PPP2R1A: variants seen among roughly 807,000 people sequenced by gnomAD.
The protein encoded by PPP2R1A is serine/threonine-protein phosphatase 2A 65 kDa regulatory subunit A alpha isoform.
A neutral mutation model predicts 67.1 loss-of-function variants in PPP2R1A; 15 were observed. The ratio of observed to expected loss-of-function variants is 0.22; its 90% CI spans 0.15 to 0.34. The LOEUF (loss-of-function observed/expected upper bound fraction) is 0.34, where lower values mean the gene tolerates loss of function less well. PPP2R1A is among the 10% of genes least tolerant of loss of function. The probability of loss-of-function intolerance (pLI) is 1.00; values close to 1 mark genes in which losing one functional copy is unlikely to be tolerated. For missense variants in PPP2R1A, 369 were observed against 775.0 expected (o/e 0.48, Z 6.22); for synonymous variants, 337 against 325.0 (o/e 1.04, Z -0.40).
intron 3 of PPP2R1A, among the ~76,000 whole-genome samples, chr19:52,210,214 A>T (rs2089651232): frequency 6.6e-6 from 1 of 152,212 alleles, no homozygotes. Flanking sequence ...TCACTAATTA[A>T]GAGTTCCTGT....
chr19:52,203,598 C>A (rs999258501), intron 2 of PPP2R1A, among the ~76,000 whole-genome samples: 2 of 152,190 alleles, frequency 1.3e-5, no homozygotes, highest in Non-Finnish European at 2.9e-5. Context: ...CACACCACAG[C>A]AATCATAACA....
chr19:52,200,567 C>T (rs1051904130), intron 1 of PPP2R1A, among the ~76,000 whole-genome samples: 1 of 152,154 alleles, frequency 6.6e-6, no homozygotes, highest in Non-Finnish European at 1.5e-5. Flanking sequence ...CTAGGACTGC[C>T]ACAGCAAATC....
At position 52,226,766 on chromosome 19, in the gene PPP2R1A, C is replaced by T. The variant is rs1260659331; in HGVS notation, c.*785C>T. ...GTAGCTTGTTAAGTCTTTATGAGCT[C>T]AGTTTTGTATTGTGTAAAATGAGAG... On this transcript the variant is annotated 3_prime_UTR_variant, in exon 15 of 15. Coordinates refer to ENST00000322088, the MANE Select transcript of PPP2R1A (RefSeq NM_014225.6). 3 of 155,250 alleles carry T rather than the reference C, an allele frequency of 1.9e-5. No individual in the cohort carries two copies. In the Admixed American group the frequency reaches 2.0e-4, roughly 10 times the overall value. The allele number at this position is 155,250 out of a possible 1,614,324, so 9.6% of individuals were successfully genotyped here.
chr19:52,193,004 A>G (rs1600155826), intron 1 of PPP2R1A, among the ~76,000 whole-genome samples: 1 of 152,168 alleles, frequency 6.6e-6, no homozygotes, highest in South Asian at 2.1e-4. Flanking sequence ...AAAATTGCTG[A>G]CCTCTGACTT....
intron 12 of PPP2R1A, among the ~76,000 whole-genome samples, chr19:52,221,657 G>A (rs1471864641): frequency 6.6e-6 from 1 of 152,148 alleles, no homozygotes; most frequent in Non-Finnish European, 1.5e-5. Flanking sequence ...ACAGGGCTTA[G>A]AACAGTTATG....
At chr19:52,220,384 C>T (rs986676570) in intron 11 of PPP2R1A, 135 bp downstream of exon 11, 28 of 928,372 alleles carry the variant, frequency 3.0e-5, no homozygotes, top group Middle Eastern at 3.2e-4. Context: ...TGGACCAGCT[C>T]GCATGCTTGT....
chr19:52,206,304 G>A (rs10423725), intron 3 of PPP2R1A, among the ~76,000 whole-genome samples: 2,135 of 152,208 alleles, frequency 0.014, 50 homozygotes, highest in African/African-American at 0.049. Flanking sequence ...GCCTTACCTG[G>A]GATTCTACAT....
In PPP2R1A at chr19:52,210,964, C is replaced by T. The variant is rs115947903; in HGVS notation, c.271-296C>T. ...GGCTAAGAACTTTCTCCTCAGAAAG[C>T]AACGTGTGTAATTTTAAGGTTTATG... On this transcript the variant is annotated intron_variant, in intron 3 of 14. Transcript: ENST00000322088. Among the ~76,000 whole-genome samples, 1,001 of 152,282 alleles carry T rather than the reference C, an allele frequency of 6.6e-3. 11 individuals carry two copies. Among genetic ancestry groups the T allele is most frequent in the African/African-American group, 0.022 (924 of 41,540 alleles).
At position 52,213,200 on chromosome 19, in the gene PPP2R1A, C is replaced by A. The variant is rs2089690104; in HGVS notation, c.807+90C>A. The A allele has an allele frequency of 7.0e-7, 1 of 1,419,498 alleles. No homozygotes were observed. The highest frequency in any genetic ancestry group is 9.2e-7 in the Non-Finnish European group (1 of 1,083,112). 87.9% of individuals were successfully genotyped at this position (1,419,498 alleles called of 1,614,324 possible). On this transcript the variant is annotated intron_variant, in intron 6 of 14. Transcript: ENST00000322088. The surrounding 1 kb of genome is among the most constrained non-coding windows in gnomAD (Gnocchi z 4.2). ...TATAGGAGCTGAGGTTTCCATTAGG[C>A]CGATGGAACCATTGGGCGTTTGAGC...
intron 2 of PPP2R1A, among the ~76,000 whole-genome samples, chr19:52,203,110 T>G (rs1020777526): frequency 5.9e-5 from 9 of 152,230 alleles, no homozygotes; most frequent in Non-Finnish European, 1.2e-4. Flanking sequence ...AACATCTTAC[T>G]TGGACCTAGT....
intron 1 of PPP2R1A, among the ~76,000 whole-genome samples, chr19:52,199,193 G>A (rs2089524039): frequency 6.6e-6 from 1 of 151,230 alleles, no homozygotes; most frequent in South Asian, 2.1e-4. Flanking sequence ...TTGAGACAGA[G>A]TCTCACTCTG....
At chr19:52,210,753 T>C (rs2089660274) in intron 3 of PPP2R1A, among the ~76,000 whole-genome samples, 1 of 152,104 alleles carries the variant, frequency 6.6e-6, no homozygotes, top group African/African-American at 2.4e-5. Context: ...CAGCCTCCCA[T>C]AGTGCTGGGA....
intron 3 of PPP2R1A, 146 bp downstream of exon 3, chr19:52,206,209 A>G (rs758798833): frequency 1.5e-6 from 1 of 663,536 alleles, no homozygotes; most frequent in Non-Finnish European, 2.6e-6. Flanking sequence ...TAATCCAACA[A>G]GTCAGGAGTG....
chr19:52,215,463 A>G (rs556057563), intron 6 of PPP2R1A, among the ~76,000 whole-genome samples: 1 of 152,366 alleles, frequency 6.6e-6, no homozygotes, highest in Admixed American at 6.5e-5. Context: ...TATCATTTGA[A>G]TGTTTTTGAA....
chr19:52,220,121 G>A lies in PPP2R1A; in HGVS notation c.1303-68G>A, dbSNP rs1334570259. 2.6e-6 allele frequency: 4 copies of A among 1,533,494 alleles called. No individual in the cohort carries two copies. In the East Asian group the frequency reaches 6.7e-5, roughly 26 times the overall value. The allele number at this position is 1,533,494 out of a possible 1,614,324, so 95.0% of individuals were successfully genotyped here. A position where few individuals can be genotyped will look rare whatever the true frequency, so the allele number is the denominator to read the frequency against. On this transcript the variant is annotated intron_variant, in intron 10 of 14. Coordinates refer to ENST00000322088, the MANE Select transcript of PPP2R1A (RefSeq NM_014225.6). ...AGGGTGGGTGTAGGTTCCATGGGAT[G>A]TGGCTAGCAGCTCCCCCTGTTTGCT...
rs1029209344 is a variant in PPP2R1A, at chr19:52,212,694, G to A, written c.512G>A (p.Arg171Gln). ...CCGTCCCCGACTCCCAGGTACTTCC[G>A]GAACCTGTGCTCAGATGACACCCCC... ...AVKAELRQYF[R>Q]NLCSDDTPMV... The change falls in exon 5 of 15, where the codon CGG becomes CAG. Residue 171 changes from arginine (R) to glutamine (Q), a missense_variant. Transcript: ENST00000322088. The surrounding 1 kb of genome is among the most constrained non-coding windows in gnomAD (Gnocchi z 4.1). 3.1e-6 allele frequency: 5 copies of A among 1,613,410 alleles called. No homozygotes were observed. The highest frequency in any genetic ancestry group is 1.1e-5 in the South Asian group (1 of 91,078).
chr19:52,224,883 A>G (rs1979158848), intron 13 of PPP2R1A, among the ~76,000 whole-genome samples: 1 of 151,852 alleles, frequency 6.6e-6, no homozygotes, highest in African/African-American at 2.4e-5. Flanking sequence ...TACTTTGAGT[A>G]GAGATGGGGG....
chr19:52,194,162 T>G (rs924326908), intron 1 of PPP2R1A, among the ~76,000 whole-genome samples: 2 of 150,820 alleles, frequency 1.3e-5, no homozygotes, highest in Non-Finnish European at 2.9e-5. Flanking sequence ...TGGGGCTGCT[T>G]TGTTAGATAG....
At position 52,219,283 on chromosome 19, in the gene PPP2R1A, T is replaced by C. The variant is rs990429063; in HGVS notation, c.1129-408T>C. Among the ~76,000 whole-genome samples the C allele has an allele frequency of 1.4e-4, 21 of 152,202 alleles. No homozygotes were observed. Among genetic ancestry groups the C allele is most frequent in the Non-Finnish European group, 3.1e-4 (21 of 68,036 alleles). On this transcript the variant is annotated intron_variant, in intron 9 of 14. Transcript: ENST00000322088. The surrounding 1 kb of genome is among the most constrained non-coding windows in gnomAD (Gnocchi z 4.0). ...ATTTATTTATTTTTTTAGACTAAAA[T>C]AGTTTTAATAAGGAAATAGTTTTCT...
Sources: gnomAD v4.1 joint callset for allele counts (sites outside exome capture counted in the v4.1 genomes callset) on GRCh38, gnomAD v4.1.1 for gene constraint, Gnocchi (gnomAD v3.1) non-coding constraint, MANE v1.5 for transcripts, NCBI Gene and HGNC (gene_info 2026-07-23, HGNC 2026-07-21) for gene names.